The following EREG variants were observed in gnomAD, a reference collection of about 807,000 sequenced individuals.
EREG encodes the protein proepiregulin.
Under a neutral mutation model 22.4 loss-of-function variants are expected in EREG, and 23 were observed. That is an observed-to-expected ratio of 1.03 (90% CI 0.74 to 1.46). The LOEUF is 1.46. EREG is among the 40% of genes most tolerant of loss of function. EREG has a pLI of 0.00. For synonymous variants in EREG, 100 were observed against 75.4 expected, an observed-to-expected ratio of 1.33 and a Z score of -1.69; for missense variants, 226 against 205.9, an observed-to-expected ratio of 1.10 and a Z score of -0.60.
In EREG at chr4:74,388,668, A is replaced by C. The variant is rs1752616684; in HGVS notation, c.*3860A>C. On this transcript the variant is annotated 3_prime_UTR_variant, in exon 5 of 5. Coordinates refer to ENST00000244869, the MANE Select transcript of EREG (RefSeq NM_001432.3). ...GGAGAAAATAGATAATTTACAAGAT[A>C]TTATTAATTTTTATTTATTTTTCTT... is the stretch of plus-strand genomic sequence containing the variant. 6.6e-6 allele frequency: 1 copy of C among 152,630 alleles called. No individual in the cohort carries two copies. Among genetic ancestry groups the C allele is most frequent in the Non-Finnish European group, 1.5e-5 (1 of 68,032 alleles). 9.5% of individuals were successfully genotyped at this position (152,630 alleles called of 1,614,324 possible).
chr4:74,375,916 C>T (rs937404422), intron 1 of EREG, among the ~76,000 whole-genome samples: 1 of 152,180 alleles, frequency 6.6e-6, no homozygotes, highest in Non-Finnish European at 1.5e-5. Context: ...TACGATTCCA[C>T]CTGTAAAATA....
chr4:74,375,696 C>A (rs1752370087), intron 1 of EREG, among the ~76,000 whole-genome samples: 1 of 152,010 alleles, frequency 6.6e-6, no homozygotes, highest in African/African-American at 2.4e-5. Context: ...ATTTTTTATT[C>A]ATTGGATCGC....
intron 1 of EREG, among the ~76,000 whole-genome samples, chr4:74,373,930 A>G (rs1254896103): frequency 1.3e-5 from 2 of 152,148 alleles, no homozygotes; most frequent in African/African-American, 4.8e-5. Flanking sequence ...ACATCCAAAA[A>G]CAGTGAAGGC....
At chr4:74,372,197 C>T (rs1267107171) in intron 1 of EREG, among the ~76,000 whole-genome samples, 1 of 152,184 alleles carries the variant, frequency 6.6e-6, no homozygotes, top group Non-Finnish European at 1.5e-5. Context: ...AATGTCAACT[C>T]AAACTATATT....
rs1752604829 is a variant in EREG at position 74,388,231 on chromosome 4, G to C, written c.*3423G>C. ...TTTTTGCTCCAATATCCATTCTGTA[G>C]ACTTTTGAAAAAAAAGTTTTTAATT... On this transcript the variant is annotated 3_prime_UTR_variant, in exon 5 of 5. Transcript: ENST00000244869. 6.6e-6 allele frequency: 1 copy of C among 151,952 alleles called. No individual in the cohort carries two copies. The highest frequency in any genetic ancestry group is 1.5e-5 in the Non-Finnish European group (1 of 67,974). 9.4% of individuals were successfully genotyped at this position (151,952 alleles called of 1,614,324 possible).
Position 74,382,880 on chromosome 4 carries a change from G to A in EREG, c.428+86G>A, listed in dbSNP as rs59256151. On this transcript the variant is annotated intron_variant, in intron 4 of 4. Coordinates refer to ENST00000244869, the MANE Select transcript of EREG (RefSeq NM_001432.3). ...TAAACTGGGTAAAAATATGGATAAA[G>A]TATTAGAGAGATAAGATCAAACCTG... The A allele has an allele frequency of 4.2e-4, 412 of 972,456 alleles. 2 individuals are homozygous for A. In the African/African-American group the frequency reaches 6.2e-3, roughly 15 times the overall value. The allele number at this position is 972,456 out of a possible 1,614,324, so 60.2% of individuals were successfully genotyped here. A position where few individuals can be genotyped will look rare whatever the true frequency, so the allele number is the denominator to read the frequency against.
chr4:74,370,476 G>C (rs1752270992), intron 1 of EREG, among the ~76,000 whole-genome samples: 1 of 152,158 alleles, frequency 6.6e-6, no homozygotes, highest in Admixed American at 6.5e-5. Flanking sequence ...AAAATACCTA[G>C]AGGTTAAGTA....
chr4:74,384,837 T>A lies in EREG; in HGVS notation c.*29T>A, dbSNP rs781439268. Reference sequence around the variant, plus strand: ...GCGCCATCAAACTTATGGGCAGGGATAACAGTGTGCCTGGTTAATATTAAT... The same window carrying A: ...GCGCCATCAAACTTATGGGCAGGGAAAACAGTGTGCCTGGTTAATATTAAT... On this transcript the variant is annotated 3_prime_UTR_variant, in exon 5 of 5. Transcript: ENST00000244869. 8 of 1,374,618 alleles carry A rather than the reference T, an allele frequency of 5.8e-6. No individual in the cohort carries two copies. The highest frequency in any genetic ancestry group is 3.4e-5 in the Admixed American group (2 of 59,116). 85.2% of individuals were successfully genotyped at this position (1,374,618 alleles called of 1,614,324 possible).
intron 1 of EREG, among the ~76,000 whole-genome samples, chr4:74,373,937 A>G (rs568751824): frequency 6.6e-6 from 1 of 152,302 alleles, no homozygotes; most frequent in East Asian, 1.9e-4. Context: ...AAAACAGTGA[A>G]GGCATATTCA....
intron 3 of EREG, 147 bp downstream of exon 3, chr4:74,381,284 A>C: frequency 1.6e-6 from 1 of 638,082 alleles, no homozygotes; most frequent in East Asian, 2.9e-5. Flanking sequence ...TGTGCATGGA[A>C]CCCATTAGGT....
chr4:74,383,635 T>C (rs1265928819), intron 4 of EREG, among the ~76,000 whole-genome samples: 1 of 152,162 alleles, frequency 6.6e-6, no homozygotes, highest in African/African-American at 2.4e-5. Context: ...CCATGAAACA[T>C]ATTTTGAAAC....
At chr4:74,377,170 A>C (rs72654897) in intron 1 of EREG, among the ~76,000 whole-genome samples, 3 of 152,226 alleles carry the variant, frequency 2.0e-5, no homozygotes, top group African/African-American at 4.8e-5. Context: ...AAAAAAAAAA[A>C]AAAAACATTA....
In EREG at chr4:74,384,941, GT is replaced by G; in HGVS notation, c.*138del. 2.1e-6 allele frequency: 1 copy of G among 480,460 alleles called. No individual in the cohort carries two copies. The highest frequency in any genetic ancestry group is 3.7e-6 in the Non-Finnish European group (1 of 268,386). 29.8% of individuals were successfully genotyped at this position (480,460 alleles called of 1,614,324 possible). A position where few individuals can be genotyped will look rare whatever the true frequency, so the allele number is the denominator to read the frequency against. Reference sequence around the variant, plus strand: ...CTGTATTTTAATGTACTTGAAAAATGTTTTTATTTTTGTTTTATTTTTGACA... The same window carrying G: ...CTGTATTTTAATGTACTTGAAAAATGTTTTATTTTTGTTTTATTTTTGACA... On this transcript the variant is annotated 3_prime_UTR_variant, in exon 5 of 5. Transcript: ENST00000244869.
chr4:74,378,507 C>T (rs189182617), intron 1 of EREG, among the ~76,000 whole-genome samples: 2 of 152,122 alleles, frequency 1.3e-5, no homozygotes, highest in African/African-American at 4.8e-5. Context: ...TTCGTTATTC[C>T]CCAAAGCAAT....
rs2110392203 is a variant in EREG, at chr4:74,388,399, T to G, written c.*3591T>G. Reference sequence around the variant, plus strand: ...TTCATTTAAATATCTGTTATTCAAATTTGATGATGTTAAATGTAATATAAT... The same window carrying G: ...TTCATTTAAATATCTGTTATTCAAAGTTGATGATGTTAAATGTAATATAAT... On this transcript the variant is annotated 3_prime_UTR_variant, in exon 5 of 5. Transcript: ENST00000244869. 6.5e-6 allele frequency: 1 copy of G among 152,682 alleles called. No homozygotes were observed. Among genetic ancestry groups the G allele is most frequent in the African/African-American group, 2.4e-5 (1 of 41,580 alleles). 9.5% of individuals were successfully genotyped at this position (152,682 alleles called of 1,614,324 possible).
chr4:74,381,311 A>AC lies in EREG; in HGVS notation c.278+181dup, dbSNP rs111798994. On this transcript the variant is annotated intron_variant, in intron 3 of 4. Coordinates refer to ENST00000244869, the MANE Select transcript of EREG (RefSeq NM_001432.3). Reference sequence around the variant, plus strand: ...CCATTAGGTAATTTTTCATCCCTTAACCCCCCCAAAACTCTTCTACCTTTT... The same window carrying AC: ...CCATTAGGTAATTTTTCATCCCTTAACCCCCCCCAAAACTCTTCTACCTTTT... 4.5e-4 allele frequency: 241 copies of AC among 535,974 alleles called. 2 individuals carry two copies. The highest frequency in any genetic ancestry group is 4.1e-3 in the African/African-American group (209 of 51,564). The allele number at this position is 535,974 out of a possible 1,614,324, so 33.2% of individuals were successfully genotyped here. A position where few individuals can be genotyped will look rare whatever the true frequency, so the allele number is the denominator to read the frequency against.
At chr4:74,375,711 A>G (rs1385159309) in intron 1 of EREG, among the ~76,000 whole-genome samples, 1 of 151,840 alleles carries the variant, frequency 6.6e-6, no homozygotes, top group Middle Eastern at 3.4e-3. Flanking sequence ...GATCGCATTC[A>G]CTCTTCTACC....
rs1325283426 is a variant in EREG at position 74,387,066 on chromosome 4, G to A, written c.*2258G>A. On this transcript the variant is annotated 3_prime_UTR_variant, in exon 5 of 5. Coordinates refer to ENST00000244869, the MANE Select transcript of EREG (RefSeq NM_001432.3). ...AGCCTCCCAAACTGCTGGGATTACA[G>A]GTGTGAGCCACCGCACGTAGCATTT... 1 of 152,180 alleles carries A rather than the reference G, an allele frequency of 6.6e-6. No individual in the cohort carries two copies. Among genetic ancestry groups the A allele is most frequent in the East Asian group, 1.9e-4 (1 of 5,194 alleles). 9.4% of individuals were successfully genotyped at this position (152,180 alleles called of 1,614,324 possible).
intron 4 of EREG, among the ~76,000 whole-genome samples, chr4:74,384,452 G>A (rs769666590): frequency 3.3e-5 from 5 of 152,068 alleles, no homozygotes; most frequent in East Asian, 1.9e-4. Context: ...GTGGCCACAC[G>A]CCTCTTGGAA....
Sources: gnomAD v4.1 joint callset for allele counts (sites outside exome capture counted in the v4.1 genomes callset) on GRCh38, gnomAD v4.1.1 for gene constraint, MANE v1.5 for transcripts, NCBI Gene and HGNC (gene_info 2026-07-23, HGNC 2026-07-21) for gene names.